THSD7B: variants seen among roughly 807,000 people sequenced by gnomAD.
The protein encoded by THSD7B is thrombospondin type 1 domain containing 7B.
Under a neutral mutation model 213.6 loss-of-function variants are expected in THSD7B, and 138 were observed. The ratio of observed to expected loss-of-function variants is 0.65; its 90% CI spans 0.56 to 0.74. The LOEUF (loss-of-function observed/expected upper bound fraction) is 0.74, where lower values mean the gene tolerates loss of function less well. Ranked by LOEUF, THSD7B falls within the 30% of genes least tolerant of loss-of-function variation. THSD7B has a pLI of 0.00. For missense variants in THSD7B, 1,931 were observed against 1,991.5 expected (o/e 0.97, Z 0.58); for synonymous variants, 742 against 687.0 (o/e 1.08, Z -1.25).
chr2:136,996,737 A>T (rs139971640), intron 2 of THSD7B, among the ~76,000 whole-genome samples: 5 of 152,324 alleles, frequency 3.3e-5, no homozygotes, highest in African/African-American at 9.6e-5. Flanking sequence ...ATCAATATTC[A>T]TTGGTTACCC....
chr2:137,196,815 T>C (rs777289986), intron 7 of THSD7B, among the ~76,000 whole-genome samples: 1 of 152,196 alleles, frequency 6.6e-6, no homozygotes, highest in Non-Finnish European at 1.5e-5. Flanking sequence ...ATTATGCATA[T>C]GCAAATATTC....
chr2:137,137,894 C>T (rs779694024), intron 5 of THSD7B, among the ~76,000 whole-genome samples: 6 of 125,224 alleles, frequency 4.8e-5, no homozygotes, highest in Non-Finnish European at 8.9e-5. Context: ...ATTTATAATG[C>T]AATAATGAAT....
At chr2:137,284,569 G>A (rs1035960877) in intron 12 of THSD7B, among the ~76,000 whole-genome samples, 4 of 152,036 alleles carry the variant, frequency 2.6e-5, no homozygotes, top group African/African-American at 9.7e-5. Context: ...ACACTGCTTT[G>A]AATGTGTCCC....
intron 7 of THSD7B, among the ~76,000 whole-genome samples, chr2:137,198,480 A>G (rs1680810117): frequency 1.3e-5 from 2 of 152,184 alleles, no homozygotes; most frequent in Admixed American, 1.3e-4. Flanking sequence ...TCCCCAGCTT[A>G]GAAGCTGTCC....
At chr2:137,630,507 A>T (rs575947678) in intron 20 of THSD7B, among the ~76,000 whole-genome samples, 1 of 152,332 alleles carries the variant, frequency 6.6e-6, no homozygotes, top group East Asian at 1.9e-4. Flanking sequence ...CACCTGTGGT[A>T]GATAGTAATA....
chr2:137,304,385 G>A lies in THSD7B; in HGVS notation c.2500+28359G>A, dbSNP rs565546048. Among the ~76,000 whole-genome samples the A allele has an allele frequency of 3.9e-5, 6 of 152,172 alleles. No individual in the cohort carries two copies. In the South Asian group the frequency reaches 1.3e-3, roughly 32 times the overall value. ...TGCAGTAATTGCCAGTGTTGATAAA[G>A]CCTTTGCCTCATGCAACTTACTTTC... On this transcript the variant is annotated intron_variant, in intron 12 of 27. Coordinates refer to ENST00000409968, the MANE Select transcript of THSD7B (RefSeq NM_001316349.2).
intron 12 of THSD7B, among the ~76,000 whole-genome samples, chr2:137,283,529 G>A (rs1683088431): frequency 6.6e-6 from 1 of 152,144 alleles, no homozygotes; most frequent in African/African-American, 2.4e-5. Context: ...GATATTGGCT[G>A]TGGGTTTGTC....
intron 20 of THSD7B, among the ~76,000 whole-genome samples, chr2:137,635,995 C>T (rs775882628): frequency 7.9e-5 from 12 of 152,154 alleles, no homozygotes; most frequent in Non-Finnish European, 1.8e-4. Context: ...AGCTACTGTG[C>T]CCAGCCCCTT....
At chr2:136,948,645 A>G (rs1329177502) in intron 2 of THSD7B, among the ~76,000 whole-genome samples, 3 of 152,210 alleles carry the variant, frequency 2.0e-5, no homozygotes, top group African/African-American at 4.8e-5. Context: ...ATATGTGTAT[A>G]TATACTTACA....
chr2:137,064,382 A>G (rs988387719), intron 3 of THSD7B, among the ~76,000 whole-genome samples: 8 of 151,728 alleles, frequency 5.3e-5, no homozygotes, highest in African/African-American at 1.9e-4. Flanking sequence ...GAGTTGTTTG[A>G]GCTTCTTATG....
At chr2:136,771,670 C>G (rs1418843158) in intron 1 of THSD7B, among the ~76,000 whole-genome samples, 1 of 152,176 alleles carries the variant, frequency 6.6e-6, no homozygotes, top group Non-Finnish European at 1.5e-5. Context: ...AAAGCCCTCT[C>G]TCAGTCTGAA....
At chr2:137,313,940 T>C (rs896805354) in intron 12 of THSD7B, among the ~76,000 whole-genome samples, 18 of 152,204 alleles carry the variant, frequency 1.2e-4, no homozygotes, top group African/African-American at 4.3e-4. Context: ...GCCCTTAACA[T>C]TTTTTGCTTC....
Position 137,006,399 on chromosome 2 carries a change from AATACATAC to A in THSD7B, c.140-49981_140-49974del, listed in dbSNP as rs60604756. ...GACAGAGTGAGACTCCGTCTCAAGA[AATACATAC>A]ATACATACATACATACATACATACA... On this transcript the variant is annotated intron_variant, in intron 2 of 27. Transcript: ENST00000409968. 7.9e-3 allele frequency among the ~76,000 whole-genome samples: 1,177 copies of A among 149,446 alleles called. 10 individuals carry two copies. The highest frequency in any genetic ancestry group is 0.021 in the Middle Eastern group (6 of 292).
intron 12 of THSD7B, among the ~76,000 whole-genome samples, chr2:137,315,074 G>T (rs1390595357): frequency 6.6e-6 from 1 of 152,222 alleles, no homozygotes; most frequent in African/African-American, 2.4e-5. Flanking sequence ...ACCTAAGCAA[G>T]CCTGGGCAAT....
chr2:136,924,319 G>T (rs114250956), intron 2 of THSD7B, among the ~76,000 whole-genome samples: 6 of 150,170 alleles, frequency 4.0e-5, no homozygotes, highest in Non-Finnish European at 1.5e-5. Flanking sequence ...GACCTCAAGT[G>T]ATCCACCTGC....
At chr2:137,336,073 AGT>A (rs1427350626) in intron 12 of THSD7B, among the ~76,000 whole-genome samples, 1 of 151,286 alleles carries the variant, frequency 6.6e-6, no homozygotes, top group Non-Finnish European at 1.5e-5. Context: ...TCATTGATTA[AGT>A]GTTGTTTTCC....
intron 2 of THSD7B, among the ~76,000 whole-genome samples, chr2:136,962,886 T>C (rs1284997698): frequency 1.3e-5 from 2 of 152,138 alleles, no homozygotes; most frequent in African/African-American, 4.8e-5. Context: ...AGACACACAT[T>C]TGAAAGAAGA....
At chr2:137,428,379 A>G (rs538664570) in intron 14 of THSD7B, among the ~76,000 whole-genome samples, 1 of 152,306 alleles carries the variant, frequency 6.6e-6, no homozygotes, top group East Asian at 1.9e-4. Context: ...AGCTGCTTTG[A>G]AAAATCATCA....
rs1685722171 is a variant in THSD7B at position 137,379,168 on chromosome 2, G to A, written c.2501-26445G>A. Among the ~76,000 whole-genome samples, 3 of 152,130 alleles carry A rather than the reference G, an allele frequency of 2.0e-5. No individual in the cohort carries two copies. In the South Asian group the frequency reaches 6.2e-4, roughly 32 times the overall value. On this transcript the variant is annotated intron_variant, in intron 12 of 27. Coordinates refer to ENST00000409968, the MANE Select transcript of THSD7B (RefSeq NM_001316349.2). The stretch of plus-strand genomic sequence containing the variant: ...AAATAAAGTGTTTCCAGGTTACCTA[G>A]GGACTAAGTATATATCACTAGCTTA...
Sources: gnomAD v4.1 joint callset for allele counts (sites outside exome capture counted in the v4.1 genomes callset) on GRCh38, gnomAD v4.1.1 for gene constraint, MANE v1.5 for transcripts, NCBI Gene and HGNC (gene_info 2026-07-23, HGNC 2026-07-21) for gene names.